The following SEPTIN10 variants were observed in gnomAD, a reference collection of about 807,000 sequenced individuals.
SEPTIN10 encodes the protein septin-10.
A neutral mutation model predicts 54.8 loss-of-function variants in SEPTIN10; 66 were observed. The observed-to-expected ratio is 1.21, with a 90% CI of 0.99 to 1.48. The LOEUF is 1.48. Among genes scored for constraint, SEPTIN10 ranks in the 40% most tolerant of loss-of-function variants. The probability of loss-of-function intolerance (pLI) is 0.00; values close to 1 mark genes in which losing one functional copy is unlikely to be tolerated. For missense variants in SEPTIN10, 620 were observed against 545.6 expected (o/e 1.14, Z -1.36); for synonymous variants, 161 against 181.0 (o/e 0.89, Z 0.89).
intron 8 of SEPTIN10, among the ~76,000 whole-genome samples, chr2:109,561,993 C>G (rs995217806): frequency 7.5e-6 from 1 of 133,766 alleles, no homozygotes; most frequent in Non-Finnish European, 1.6e-5. Context: ...ATTCCTGACC[C>G]CAAGGCCAGG....
intron 9 of SEPTIN10, among the ~76,000 whole-genome samples, chr2:109,548,774 T>TAA (rs1226796852): frequency 2.2e-4 from 4 of 17,966 alleles, no homozygotes; most frequent in East Asian, 1.2e-3. Flanking sequence ...AGGCTCCATC[T>TAA]CAAAAAAAAA....
intron 2 of SEPTIN10, among the ~76,000 whole-genome samples, chr2:109,592,626 A>T (rs1694321342): frequency 6.6e-6 from 1 of 151,206 alleles, no homozygotes; most frequent in Non-Finnish European, 1.5e-5. Flanking sequence ...TAAAATACAA[A>T]AAAGTTAGCC....
Position 109,605,193 on chromosome 2 carries a change from G to T in SEPTIN10, c.30+8605C>A, listed in dbSNP as rs138286915. Among the ~76,000 whole-genome samples, 881 of 152,252 alleles carry T rather than the reference G, an allele frequency of 5.8e-3. 11 individuals are homozygous for T. The highest frequency in any genetic ancestry group is 0.056 in the South Asian group (271 of 4,824). On this transcript the variant is annotated intron_variant, in intron 1 of 10. Transcript: ENST00000397712. The stretch of plus-strand genomic sequence containing the variant: ...CAGCTTAATTCATCAAGCCAGTCAG[G>T]CTTAGTTTTTGGGCTGAATATAATT...
intron 10 of SEPTIN10, chr2:109,545,697 T>C (rs1470576141): frequency 1.4e-6 from 2 of 1,460,126 alleles, no homozygotes; most frequent in South Asian, 1.5e-5. Flanking sequence ...AAATAACTCA[T>C]GGTAGGTCAG....
At chr2:109,591,027 C>A (rs1693941452) in intron 2 of SEPTIN10, among the ~76,000 whole-genome samples, 1 of 152,194 alleles carries the variant, frequency 6.6e-6, no homozygotes, top group African/African-American at 2.4e-5. Flanking sequence ...CAAACAGATG[C>A]CGTTTTAAGC....
In SEPTIN10 at chr2:109,553,083, T is replaced by C. The variant is rs373588932; in HGVS notation, c.1161+4A>G. 2.5e-6 allele frequency: 4 copies of C among 1,611,552 alleles called. No individual in the cohort carries two copies. Among genetic ancestry groups the C allele is most frequent in the East Asian group, 2.2e-5 (1 of 44,884 alleles). The stretch of plus-strand genomic sequence containing the variant: ...TGCAAATCACATCAAACCAGCATAC[T>C]TGCCTCTCTCTCAGCTTCTTTCAAT... On this transcript the variant is annotated splice_donor_region_variant and intron_variant, in intron 9 of 10. Transcript: ENST00000397712.
chr2:109,595,782 T>C (rs572839856), intron 1 of SEPTIN10, among the ~76,000 whole-genome samples: 2 of 152,170 alleles, frequency 1.3e-5, no homozygotes, highest in Non-Finnish European at 2.9e-5. Flanking sequence ...ACCAGAAATG[T>C]CCATTTAGAG....
intron 4 of SEPTIN10, among the ~76,000 whole-genome samples, chr2:109,584,644 C>T (rs1692049999): frequency 6.6e-6 from 1 of 151,906 alleles, no homozygotes; most frequent in Admixed American, 6.6e-5. Flanking sequence ...CAAATAGAGA[C>T]ACAAGGTAAA....
chr2:109,545,524 G>A (rs374928726), intron 10 of SEPTIN10: 59 of 1,535,838 alleles, frequency 3.8e-5, no homozygotes, highest in East Asian at 4.9e-5. Context: ...ACAGGAGTTC[G>A]AATCGACAGC....
In SEPTIN10 at chr2:109,553,222, A is replaced by G. The variant is rs1284562424; in HGVS notation, c.1029-3T>C. 6.2e-7 allele frequency: 1 copy of G among 1,613,276 alleles called. No homozygotes were observed. Among genetic ancestry groups the G allele is most frequent in the East Asian group, 2.2e-5 (1 of 44,878 alleles). On this transcript the variant is annotated splice_region_variant and splice_polypyrimidine_tract_variant and intron_variant, in intron 8 of 10. Transcript: ENST00000397712. ...TGGCTTCATAGGTCTCTTGAACACT[A>G]AAAAGTTATTTGTGTTACTCTCCTG...
chr2:109,553,988 G>A (rs1392364954), intron 8 of SEPTIN10, among the ~76,000 whole-genome samples: 1 of 152,194 alleles, frequency 6.6e-6, no homozygotes, highest in African/African-American at 2.4e-5. Context: ...TAGGGTAATT[G>A]ATATAAACAA....
chr2:109,559,708 C>A (rs1362818007), intron 8 of SEPTIN10, among the ~76,000 whole-genome samples: 1 of 152,120 alleles, frequency 6.6e-6, no homozygotes, highest in African/African-American at 2.4e-5. Flanking sequence ...CACTCCTAAA[C>A]AAGAGATGGG....
At position 109,575,640 on chromosome 2, in the gene SEPTIN10, T is replaced by G. The variant is rs1689518421; in HGVS notation, c.414-873A>C. Among the ~76,000 whole-genome samples the G allele has an allele frequency of 1.3e-5, 2 of 152,228 alleles. 1 individual carries two copies. The highest frequency in any genetic ancestry group is 1.3e-4 in the Admixed American group (2 of 15,282). On this transcript the variant is annotated intron_variant, in intron 4 of 10. Transcript: ENST00000397712. ...TTCTGATATGATAAACCACTGCCTT[T>G]GCAATTCACTTTTCTACTCTTAACT...
chr2:109,600,996 AG>A (rs2106151846), intron 1 of SEPTIN10, among the ~76,000 whole-genome samples: 1 of 150,662 alleles, frequency 6.6e-6, no homozygotes. Flanking sequence ...CCCATGGAGG[AG>A]GGTATGCCAC....
At chr2:109,610,203 C>T (rs1197119498) in intron 1 of SEPTIN10, among the ~76,000 whole-genome samples, 1 of 152,014 alleles carries the variant, frequency 6.6e-6, no homozygotes, top group African/African-American at 2.4e-5. Context: ...ATCCTCCTGC[C>T]TCAGCCTCCC....
chr2:109,559,492 C>T (rs973306874), intron 8 of SEPTIN10, among the ~76,000 whole-genome samples: 1 of 152,182 alleles, frequency 6.6e-6, no homozygotes, highest in African/African-American at 2.4e-5. Flanking sequence ...TCTAATTTCC[C>T]CTTCTTTGTG....
At chr2:109,575,340 C>T (rs1275303183) in intron 4 of SEPTIN10, among the ~76,000 whole-genome samples, 3 of 152,202 alleles carry the variant, frequency 2.0e-5, no homozygotes, top group African/African-American at 7.2e-5. Flanking sequence ...GACTCTTTGC[C>T]TCTTAGATTT....
At chr2:109,575,691 C>T (rs1409727521) in intron 4 of SEPTIN10, among the ~76,000 whole-genome samples, 8 of 152,188 alleles carry the variant, frequency 5.3e-5, no homozygotes, top group Admixed American at 5.2e-4. Context: ...ATCTGGGTTT[C>T]CAAGTGAAAA....
At chr2:109,547,471 G>A (rs865777712) in intron 9 of SEPTIN10, among the ~76,000 whole-genome samples, 1 of 146,314 alleles carries the variant, frequency 6.8e-6, no homozygotes, top group Non-Finnish European at 1.5e-5. Flanking sequence ...TGAGTTTCAA[G>A]AGATTTCTCT....
Sources: gnomAD v4.1 joint callset for allele counts (sites outside exome capture counted in the v4.1 genomes callset) on GRCh38, gnomAD v4.1.1 for gene constraint, MANE v1.5 for transcripts, NCBI Gene and HGNC (gene_info 2026-07-23, HGNC 2026-07-21) for gene names.